The following SLC25A33 variants were observed in gnomAD, a reference collection of about 807,000 sequenced individuals.
SLC25A33 encodes the protein solute carrier family 25 member 33.
A neutral mutation model predicts 35.5 loss-of-function variants in SLC25A33; 15 were observed. That is an observed-to-expected ratio of 0.42 (90% CI 0.28 to 0.65). The LOEUF is 0.65. Among genes scored for constraint, SLC25A33 ranks in the 30% least tolerant of loss-of-function variants. The pLI, the probability that SLC25A33 is intolerant of heterozygous loss-of-function variation, is 0.20. For missense variants in SLC25A33, 257 were observed against 398.5 expected, an observed-to-expected ratio of 0.64 and a Z score of 3.02; for synonymous variants, 136 against 148.7, an observed-to-expected ratio of 0.91 and a Z score of 0.62.
intron 5 of SLC25A33, among the ~76,000 whole-genome samples, chr1:9,574,767 T>C (rs1162755855): frequency 6.6e-6 from 1 of 152,164 alleles, no homozygotes; most frequent in Non-Finnish European, 1.5e-5. Context: ...GAAGACACAA[T>C]AGCTAAGACC....
At chr1:9,559,969 A>AG (rs1643398382) in intron 2 of SLC25A33, among the ~76,000 whole-genome samples, 1 of 152,188 alleles carries the variant, frequency 6.6e-6, no homozygotes, top group South Asian at 2.1e-4. Context: ...AAACCATACA[A>AG]GGCTGGGCGC....
rs545785093 is a variant in SLC25A33 at position 9,550,135 on chromosome 1, G to T, written c.57-3491G>T. Among the ~76,000 whole-genome samples, 19 of 145,098 alleles carry T rather than the reference G, an allele frequency of 1.3e-4. No homozygotes were observed. The East Asian group carries it at 3.4e-3, about 26-fold the overall frequency. On this transcript the variant is annotated intron_variant, in intron 1 of 6. Transcript: ENST00000302692. ...TTCAGGTGATCCTCCTAAGTAGCTG[G>T]GACTACAGGTGTACACCACCATGCC...
At chr1:9,579,849 T>A in intron 5 of SLC25A33, 105 bp from the exon 6 acceptor site, 1 of 1,327,494 alleles carries the variant, frequency 7.5e-7, no homozygotes. Context: ...GAAACAAGTA[T>A]CCTAACACCA....
At chr1:9,550,011 A>ATATATAT (rs754618497) in intron 1 of SLC25A33, among the ~76,000 whole-genome samples, 57 of 48,880 alleles carry the variant, frequency 1.2e-3, no homozygotes, top group Admixed American at 1.8e-3. Flanking sequence ...ATATATATAT[A>ATATATAT]TTTTTTTTTT....
chr1:9,574,118 CTTTTTTT>C (rs57215050), intron 5 of SLC25A33, among the ~76,000 whole-genome samples: 4 of 134,364 alleles, frequency 3.0e-5, no homozygotes, highest in Non-Finnish European at 6.4e-5. Context: ...CTTTTCTTTT[CTTTTTTT>C]TTTTTTTTTG....
intron 2 of SLC25A33, among the ~76,000 whole-genome samples, chr1:9,564,725 T>TAAAAAAAAAAAAAAAAA (rs1553146726): frequency 3.2e-5 from 3 of 94,476 alleles, no homozygotes; most frequent in East Asian, 4.1e-4. Context: ...CGTCTCTATT[T>TAAAAAAAAAAAAAAAAA]AAAAAAAAAA....
chr1:9,547,946 G>C (rs1643204950), intron 1 of SLC25A33, among the ~76,000 whole-genome samples: 1 of 152,038 alleles, frequency 6.6e-6, no homozygotes, highest in African/African-American at 2.4e-5. Flanking sequence ...TGACCTGCCA[G>C]GCTCAAGCGA....
intron 5 of SLC25A33, among the ~76,000 whole-genome samples, chr1:9,575,225 A>AG: frequency 6.6e-6 from 1 of 151,336 alleles, no homozygotes; most frequent in African/African-American, 2.4e-5. Context: ...AAAAAAAAAA[A>AG]AAAAAAAAAA....
chr1:9,564,879 G>A (rs903636999), intron 2 of SLC25A33, among the ~76,000 whole-genome samples: 7 of 150,990 alleles, frequency 4.6e-5, no homozygotes, highest in East Asian at 1.9e-4. Flanking sequence ...AGCCGAGATC[G>A]TCCCACTGCA....
At chr1:9,541,734 A>T (rs1255188536) in intron 1 of SLC25A33, among the ~76,000 whole-genome samples, 11 of 127,872 alleles carry the variant, frequency 8.6e-5, no homozygotes, top group Non-Finnish European at 1.2e-4. Context: ...AGGATCATTT[A>T]AAAAAAAAAA....
intron 1 of SLC25A33, among the ~76,000 whole-genome samples, chr1:9,543,624 G>A (rs1643126513): frequency 6.6e-6 from 1 of 152,124 alleles, no homozygotes; most frequent in African/African-American, 2.4e-5. Flanking sequence ...CATCTGCTGG[G>A]CAGCCACTTA....
At chr1:9,574,888 G>T (rs536222656) in intron 5 of SLC25A33, among the ~76,000 whole-genome samples, 24 of 152,176 alleles carry the variant, frequency 1.6e-4, no homozygotes, top group African/African-American at 5.5e-4. Context: ...TTTCTCCCCA[G>T]TCCAAGTGAA....
chr1:9,565,722 C>A (rs1462298950), intron 2 of SLC25A33, among the ~76,000 whole-genome samples: 1 of 150,912 alleles, frequency 6.6e-6, no homozygotes, highest in Non-Finnish European at 1.5e-5. Flanking sequence ...ACTAAAAATA[C>A]AAAAAATTAG....
intron 1 of SLC25A33, among the ~76,000 whole-genome samples, chr1:9,546,400 G>A (rs934205881): frequency 5.9e-5 from 9 of 151,858 alleles, no homozygotes; most frequent in Non-Finnish European, 1.0e-4. Context: ...TAGCCAGGAT[G>A]GTCTCGATCT....
intron 2 of SLC25A33, among the ~76,000 whole-genome samples, chr1:9,564,130 A>C (rs1643465045): frequency 6.6e-6 from 1 of 152,236 alleles, no homozygotes; most frequent in African/African-American, 2.4e-5. Context: ...TGGAAATTGA[A>C]CCATTGAAGA....
intron 4 of SLC25A33, 133 bp downstream of exon 4, chr1:9,570,491 A>C: frequency 1.4e-6 from 1 of 727,838 alleles, no homozygotes; most frequent in South Asian, 1.8e-5. Flanking sequence ...CTAAAGCTTT[A>C]TGTTACAACC....
intron 4 of SLC25A33, among the ~76,000 whole-genome samples, chr1:9,570,623 A>G (rs1643575153): frequency 6.6e-6 from 1 of 151,210 alleles, no homozygotes; most frequent in East Asian, 1.9e-4. Flanking sequence ...TTCTAAAGGA[A>G]TATTCATAGG....
chr1:9,575,393 G>A (rs1338662427), intron 5 of SLC25A33, among the ~76,000 whole-genome samples: 1 of 151,586 alleles, frequency 6.6e-6, no homozygotes, highest in African/African-American at 2.4e-5. Flanking sequence ...GAGGCGGGTG[G>A]GTCACAAACT....
chr1:9,568,768 A>G (rs1415949232), intron 3 of SLC25A33, among the ~76,000 whole-genome samples: 1 of 151,656 alleles, frequency 6.6e-6, no homozygotes, highest in Non-Finnish European at 1.5e-5. Flanking sequence ...GGAGAATGGC[A>G]TGAACCCGGG....
Sources: allele counts gnomAD v4.1 joint callset (sites outside exome capture counted in the v4.1 genomes callset), GRCh38; gene constraint gnomAD v4.1.1; transcripts MANE v1.5; gene names NCBI Gene and HGNC (gene_info 2026-07-23, HGNC 2026-07-21).